Variants in RAB38 observed in about 807,000 individuals in gnomAD.
RAB38 encodes the protein RAB38, member RAS oncogene family.
A neutral mutation model predicts 18.4 loss-of-function variants in RAB38; 15 were observed. That is an observed-to-expected ratio of 0.82 (90% CI 0.55 to 1.26). The LOEUF is 1.26. Among genes scored for constraint, RAB38 ranks in the 50% most tolerant of loss-of-function variants. The pLI is 0.00. For missense variants in RAB38, 294 were observed against 267.4 expected, an observed-to-expected ratio of 1.10 and a Z score of -0.69; for synonymous variants, 101 against 104.4, an observed-to-expected ratio of 0.97 and a Z score of 0.20.
At chr11:88,150,773 C>A (rs1302238617) in intron 1 of RAB38, among the ~76,000 whole-genome samples, 1 of 152,166 alleles carries the variant, frequency 6.6e-6, no homozygotes. Context: ...GGCTCACAGT[C>A]TTTTACCAAC....
chr11:88,022,655 A>G, the RAB38 span, among the ~76,000 whole-genome samples: 64 of 148,752 alleles, frequency 4.3e-4, no homozygotes, highest in African/African-American at 1.5e-3. Context: ...CTGATAACCA[A>G]ATTCAGTAAA....
intron 2 of RAB38, among the ~76,000 whole-genome samples, chr11:88,135,764 C>T (rs1287660510): frequency 6.6e-6 from 1 of 152,202 alleles, no homozygotes; most frequent in African/African-American, 2.4e-5. Context: ...CATAACGAGC[C>T]TTTTGCGATG....
At chr11:87,810,458 C>T in the RAB38 span, among the ~76,000 whole-genome samples, 146,500 of 152,252 alleles carry the variant, frequency 0.96, 70,509 homozygotes, top group East Asian at 1. Context: ...ATAATTATTT[C>T]GAGATTCATC....
chr11:87,971,825 C>G, the RAB38 span, among the ~76,000 whole-genome samples: 9 of 152,056 alleles, frequency 5.9e-5, no homozygotes, highest in Non-Finnish European at 1.3e-4. Flanking sequence ...TCACTCTACT[C>G]TAAAACAATA....
the RAB38 span, among the ~76,000 whole-genome samples, chr11:88,036,178 C>A: frequency 2.0e-5 from 3 of 151,770 alleles, no homozygotes; most frequent in Non-Finnish European, 4.4e-5. Flanking sequence ...TGATATGTAC[C>A]CTCAATTCAT....
chr11:88,013,119 C>T, the RAB38 span, among the ~76,000 whole-genome samples: 1 of 152,034 alleles, frequency 6.6e-6, no homozygotes, highest in Non-Finnish European at 1.5e-5. Flanking sequence ...GTTTATTTAT[C>T]TCAAAAGGCC....
Position 88,142,325 on chromosome 11 carries a change from T to C in RAB38, c.483+7350A>G, listed in dbSNP as rs751832976. Among the ~76,000 whole-genome samples, 62 of 152,346 alleles carry C rather than the reference T, an allele frequency of 4.1e-4. 1 individual carries two copies. Among genetic ancestry groups the C allele is most frequent in the Middle Eastern group, 3.4e-3 (1 of 294 alleles). Reference sequence around the variant, plus strand: ...AAACGGGGATAATGCTTCATTATTGTAGGAATTAGTGATAATAGCTGTGAA... The same window carrying C: ...AAACGGGGATAATGCTTCATTATTGCAGGAATTAGTGATAATAGCTGTGAA... On this transcript the variant is annotated intron_variant, in intron 2 of 2. Coordinates refer to ENST00000243662, the MANE Select transcript of RAB38 (RefSeq NM_022337.3).
At chr11:87,969,686 G>T in the RAB38 span, among the ~76,000 whole-genome samples, 1 of 152,222 alleles carries the variant, frequency 6.6e-6, no homozygotes, top group East Asian at 1.9e-4. Context: ...AAATAAACTA[G>T]AATTTTAGTA....
the RAB38 span, among the ~76,000 whole-genome samples, chr11:87,821,782 C>T: frequency 1.3e-5 from 2 of 149,502 alleles, no homozygotes; most frequent in Non-Finnish European, 3.0e-5. Flanking sequence ...ACCCGGTGGG[C>T]AGAGATTGCA....
At chr11:88,029,211 A>C in the RAB38 span, among the ~76,000 whole-genome samples, 2 of 152,182 alleles carry the variant, frequency 1.3e-5, no homozygotes, top group South Asian at 2.1e-4. Flanking sequence ...GCCTGCCCTA[A>C]AAGAGCTCCT....
the RAB38 span, among the ~76,000 whole-genome samples, chr11:87,940,623 T>C: frequency 6.6e-6 from 1 of 151,878 alleles, no homozygotes; most frequent in Non-Finnish European, 1.5e-5. Flanking sequence ...TGTGTGTGTA[T>C]ATATATGACA....
the RAB38 span, among the ~76,000 whole-genome samples, chr11:87,950,970 CT>C: frequency 6.6e-6 from 1 of 152,186 alleles, no homozygotes; most frequent in Non-Finnish European, 1.5e-5. Flanking sequence ...GGATAATATC[CT>C]GCAGAGTGTT....
At chr11:88,045,402 C>T in the RAB38 span, among the ~76,000 whole-genome samples, 1 of 152,210 alleles carries the variant, frequency 6.6e-6, no homozygotes, top group Non-Finnish European at 1.5e-5. Context: ...AGAAGAACTT[C>T]CAAATGCCTG....
chr11:88,006,046 G>A, the RAB38 span, among the ~76,000 whole-genome samples: 2 of 151,270 alleles, frequency 1.3e-5, no homozygotes, highest in African/African-American at 2.4e-5. Flanking sequence ...CTGATAAGAG[G>A]CTAACATCTA....
the RAB38 span, among the ~76,000 whole-genome samples, chr11:88,046,228 C>T: frequency 6.6e-6 from 1 of 152,306 alleles, no homozygotes; most frequent in Non-Finnish European, 1.5e-5. Context: ...CACTGGCCTG[C>T]TACAGCATGG....
the RAB38 span, among the ~76,000 whole-genome samples, chr11:88,048,423 A>C: frequency 6.6e-6 from 1 of 152,026 alleles, no homozygotes; most frequent in African/African-American, 2.4e-5. Flanking sequence ...TACCATCCTC[A>C]ATCTTCAGGA....
At chr11:88,042,116 G>A in the RAB38 span, among the ~76,000 whole-genome samples, 686 of 152,098 alleles carry the variant, frequency 4.5e-3, 4 homozygotes, top group Middle Eastern at 0.044. Context: ...AAAATCTACT[G>A]TAAACTCAAC....
the RAB38 span, among the ~76,000 whole-genome samples, chr11:87,842,783 TGCATGC>T: frequency 4.0e-5 from 6 of 148,678 alleles, no homozygotes; most frequent in Non-Finnish European, 5.9e-5. Context: ...CATACACACA[TGCATGC>T]GCATGCACAC....
At chr11:87,840,155 A>G in the RAB38 span, among the ~76,000 whole-genome samples, 1 of 152,198 alleles carries the variant, frequency 6.6e-6, no homozygotes, top group Non-Finnish European at 1.5e-5. Context: ...GAAGAGAGGG[A>G]AGAGAAGTGA....
Sources: allele counts gnomAD v4.1 joint callset (sites outside exome capture counted in the v4.1 genomes callset), GRCh38; gene constraint gnomAD v4.1.1; transcripts MANE v1.5; gene names NCBI Gene and HGNC (gene_info 2026-07-23, HGNC 2026-07-21).